The following FAT3 variants were observed in gnomAD, a reference collection of about 807,000 sequenced individuals.
FAT3 encodes the protein FAT atypical cadherin 3, also known as protocadherin Fat 3.
A neutral mutation model predicts 310.2 loss-of-function variants in FAT3; 95 were observed. The ratio of observed to expected loss-of-function variants is 0.31; its 90% CI spans 0.26 to 0.36. FAT3 has a LOEUF of 0.36. Among genes scored for constraint, FAT3 ranks in the 10% least tolerant of loss-of-function variants. FAT3 has a pLI of 1.00. For synonymous variants in FAT3, 2,314 were observed against 2,192.9 expected (o/e 1.06, Z -1.54); for missense variants, 5,408 against 5,715.6 (o/e 0.95, Z 1.74).
intron 2 of FAT3, among the ~76,000 whole-genome samples, chr11:92,500,483 T>G (rs372705308): frequency 6.6e-6 from 1 of 152,024 alleles, no homozygotes; most frequent in African/African-American, 2.4e-5. Flanking sequence ...AGGAAAAATA[T>G]GATGAAATGT....
At chr11:92,715,796 C>A (rs1174293238) in intron 4 of FAT3, among the ~76,000 whole-genome samples, 3 of 151,736 alleles carry the variant, frequency 2.0e-5, no homozygotes, top group African/African-American at 4.8e-5. Flanking sequence ...TTGACCTGGG[C>A]CTTGGATAAG....
intron 1 of FAT3, among the ~76,000 whole-genome samples, chr11:92,233,559 G>A (rs1191323388): frequency 6.6e-6 from 1 of 152,172 alleles, no homozygotes; most frequent in Non-Finnish European, 1.5e-5. Flanking sequence ...GTGATGTTCA[G>A]CTAAATAGGT....
At chr11:92,523,144 T>C (rs1003623310) in intron 2 of FAT3, among the ~76,000 whole-genome samples, 1 of 152,124 alleles carries the variant, frequency 6.6e-6, no homozygotes, top group African/African-American at 2.4e-5. Flanking sequence ...TGAACACACA[T>C]CACTGCGTTT....
intron 19 of FAT3, among the ~76,000 whole-genome samples, chr11:92,850,587 A>G (rs914335942): frequency 6.6e-6 from 1 of 152,202 alleles, no homozygotes; most frequent in African/African-American, 2.4e-5. Flanking sequence ...GAGCTTATTG[A>G]CTTATGTGGC....
At chr11:92,817,856 C>T (rs1947862457) in intron 13 of FAT3, among the ~76,000 whole-genome samples, 1 of 152,218 alleles carries the variant, frequency 6.6e-6, no homozygotes, top group South Asian at 2.1e-4. Context: ...TCTGACACAT[C>T]TCGCCTTTTT....
rs754301436 is a variant in FAT3 at position 92,790,195 on chromosome 11, G to A, written c.4588G>A (p.Asp1530Asn). Residue 1530 changes from aspartate to asparagine, a missense_variant, in exon 8 of 28, where the codon GAC becomes AAC. Physicochemically the swap from Asp to Asn is conservative, Grantham distance 23 (BLOSUM62 1). Around this residue, in one of 5 missense-constraint regions of FAT3, gnomAD observed 4,588 missense variants for 4,809.8 expected, o/e 0.95. Transcript: ENST00000525166. ...CGAGAGGCTGGACCATGAGGCCCAG[G>A]ACAAGCACATTCTCAACATAATGGT... Reference protein sequence around the residue: ...TAERLDHEAQDKHILNIMVRD... With the variant: ...TAERLDHEAQNKHILNIMVRD... The A allele has an allele frequency of 1.2e-6, 2 of 1,613,610 alleles. No individual in the cohort carries two copies. Among genetic ancestry groups the A allele is most frequent in the Non-Finnish European group, 8.5e-7 (1 of 1,179,630 alleles).
At chr11:92,471,873 A>G (rs1426586410) in intron 2 of FAT3, among the ~76,000 whole-genome samples, 2 of 148,600 alleles carry the variant, frequency 1.3e-5, no homozygotes, top group Non-Finnish European at 3.0e-5. Context: ...AAAACATATT[A>G]TTGAAAGGTA....
chr11:92,531,566 A>G (rs562088438), intron 3 of FAT3, among the ~76,000 whole-genome samples: 2 of 152,230 alleles, frequency 1.3e-5, no homozygotes, highest in African/African-American at 4.8e-5. Context: ...TCCTGGAACT[A>G]CAGTTCATTC....
At chr11:92,566,731 C>A (rs1203500298) in intron 3 of FAT3, among the ~76,000 whole-genome samples, 1 of 151,846 alleles carries the variant, frequency 6.6e-6, no homozygotes, top group Non-Finnish European at 1.5e-5. Context: ...AGAAATAACA[C>A]CGTATATGTA....
chr11:92,814,346 T>C (rs1947762973), intron 13 of FAT3, among the ~76,000 whole-genome samples: 1 of 152,258 alleles, frequency 6.6e-6, no homozygotes, highest in South Asian at 2.1e-4. Context: ...TTATTGCTTT[T>C]AGCCAAACAA....
intron 1 of FAT3, chr11:92,336,251 C>A: frequency 1.8e-6 from 1 of 555,662 alleles, no homozygotes; most frequent in South Asian, 1.4e-5. Context: ...TCCAGATGTC[C>A]AAAATGGGGT....
chr11:92,627,989 C>G (rs1056950228), intron 3 of FAT3, among the ~76,000 whole-genome samples: 1 of 152,152 alleles, frequency 6.6e-6, no homozygotes, highest in Admixed American at 6.5e-5. Context: ...TACTGTGCGA[C>G]CTCAGAAATG....
Position 92,890,771 on chromosome 11 carries a change from C to A in FAT3, c.13428C>A (p.Ser4476Arg), listed in dbSNP as rs2136446312. The A allele has an allele frequency of 6.2e-7, 1 of 1,613,844 alleles. No individual in the cohort carries two copies. Among genetic ancestry groups the A allele is most frequent in the Non-Finnish European group, 8.5e-7 (1 of 1,179,860 alleles). ...LPPSQPVSLA[S>R]TLSPDCRRRP... The stretch of plus-strand genomic sequence containing the variant: ...CCTCCCAGCCTGTCTCCCTGGCCAG[C>A]ACACTGAGCCCAGACTGCAGGAGAA... Residue 4476 changes from serine to arginine, a missense_variant, in exon 28 of 28, where the codon AGC (serine) becomes AGA (arginine). Physicochemically the swap from Ser to Arg is moderately radical, Grantham distance 110 (BLOSUM62 -1). Around this residue, in one of 5 missense-constraint regions of FAT3, gnomAD observed 649 missense variants for 666.2 expected, o/e 0.97. Transcript: ENST00000525166.
In FAT3 at chr11:92,438,791, A is replaced by G. The variant is rs748430384; in HGVS notation, c.3292+83387A>G. 3.4e-4 allele frequency among the ~76,000 whole-genome samples: 51 copies of G among 152,164 alleles called. 1 individual carries two copies. The highest frequency in any genetic ancestry group is 6.0e-4 in the Non-Finnish European group (41 of 68,018). On this transcript the variant is annotated intron_variant, in intron 2 of 27. Coordinates refer to ENST00000525166, the MANE Select transcript of FAT3 (RefSeq NM_001367949.2). The stretch of plus-strand genomic sequence containing the variant: ...TTTCTATTTACAATGTTTTATCCCC[A>G]TGTAGTAGATGGTGCTTTTCCACAA...
intron 2 of FAT3, among the ~76,000 whole-genome samples, chr11:92,430,955 G>A (rs1950755071): frequency 6.6e-6 from 1 of 152,144 alleles, no homozygotes; most frequent in Non-Finnish European, 1.5e-5. Context: ...TTTGTGAATA[G>A]TGCCGCAATA....
chr11:92,354,741 T>G lies in FAT3; in HGVS notation c.2629T>G (p.Phe877Val), dbSNP rs1433168106. The G allele has an allele frequency of 3.1e-6, 5 of 1,613,880 alleles. No individual in the cohort carries two copies. The East Asian group carries it at 8.9e-5, about 29-fold the overall frequency. ...TYSVLTDTQQ[F>V]AINSSTGIVY... ...CTCAGTCTTGACAGATACACAGCAG[T>G]TTGCCATCAATAGCTCAACTGGAAT... is the stretch of plus-strand genomic sequence containing the variant. The change falls in exon 2 of 28, where the codon TTT becomes GTT. Residue 877 changes from phenylalanine to valine, a missense_variant. Physicochemically the swap from Phe to Val is conservative, Grantham distance 50. Coordinates refer to ENST00000525166, the MANE Select transcript of FAT3 (RefSeq NM_001367949.2).
chr11:92,656,570 A>G (rs1942590786), intron 3 of FAT3, among the ~76,000 whole-genome samples: 1 of 152,320 alleles, frequency 6.6e-6, no homozygotes, highest in East Asian at 1.9e-4. Flanking sequence ...GGCTTAGACC[A>G]CCATTAGTTC....
At chr11:92,609,948 G>A (rs555150321) in intron 3 of FAT3, among the ~76,000 whole-genome samples, 10 of 152,058 alleles carry the variant, frequency 6.6e-5, no homozygotes, top group East Asian at 3.9e-4. Context: ...TTGAAACTTC[G>A]TCAATAATTC....
rs1312178914 is a variant in FAT3 at position 92,893,830 on chromosome 11, G to T, written c.*2717G>T. ...AGATTATGAAATGCTTTGCAGTCAG[G>T]CCAAGATGCTACTAGGTGGGGATGA... On this transcript the variant is annotated 3_prime_UTR_variant, in exon 28 of 28. Transcript: ENST00000525166. The T allele has an allele frequency of 6.6e-6, 1 of 152,158 alleles. No individual in the cohort carries two copies. The highest frequency in any genetic ancestry group is 6.5e-5 in the Admixed American group (1 of 15,284). 9.4% of individuals were successfully genotyped at this position (152,158 alleles called of 1,614,324 possible). A position where few individuals can be genotyped will look rare whatever the true frequency, so the allele number is the denominator to read the frequency against.
Sources: gnomAD v4.1 joint callset for allele counts (sites outside exome capture counted in the v4.1 genomes callset) on GRCh38, gnomAD v4.1.1 for gene constraint, gnomAD v4.1.1 regional missense constraint, MANE v1.5 for transcripts, NCBI Gene and HGNC (gene_info 2026-07-23, HGNC 2026-07-21) for gene names.